The following ADAMTS20 variants were observed in gnomAD, a reference collection of about 807,000 sequenced individuals.
ADAMTS20 encodes the protein ADAM metallopeptidase with thrombospondin type 1 motif 20.
Under a neutral mutation model 260.1 loss-of-function variants are expected in ADAMTS20, and 225 were observed. The ratio of observed to expected loss-of-function variants is 0.87; its 90% CI spans 0.78 to 0.97. The LOEUF is 0.97. Among genes scored for constraint, ADAMTS20 ranks in the 50% least tolerant of loss-of-function variants. The pLI is 0.00. For missense variants in ADAMTS20, 2,400 were observed against 2,337.7 expected, an observed-to-expected ratio of 1.03 and a Z score of -0.55; for synonymous variants, 802 against 769.5, an observed-to-expected ratio of 1.04 and a Z score of -0.70.
At chr12:43,397,336 CAGATGATATTAAGTGACACA>C (rs1412055169) in intron 29 of ADAMTS20, among the ~76,000 whole-genome samples, 2 of 152,116 alleles carry the variant, frequency 1.3e-5, no homozygotes, top group South Asian at 2.1e-4. Flanking sequence ...TGCTTAGTCA[CAGATGATATTAAGTGACACA>C]AGATGATATT....
At chr12:43,413,173 G>C (rs1024810030) in intron 28 of ADAMTS20, among the ~76,000 whole-genome samples, 1 of 152,040 alleles carries the variant, frequency 6.6e-6, no homozygotes, top group African/African-American at 2.4e-5. Context: ...CTCCTAAAAA[G>C]AACAGTCACA....
intron 28 of ADAMTS20, among the ~76,000 whole-genome samples, chr12:43,412,802 ATTTTTTTTTTTTTT>A (rs139458463): frequency 1.2e-5 from 1 of 84,274 alleles, no homozygotes; most frequent in African/African-American, 5.2e-5. Flanking sequence ...ATAGGAAATA[ATTTTTTTTTTTTTT>A]TTTTTTTTTT....
At chr12:43,525,007 T>G (rs1943122303) in intron 3 of ADAMTS20, among the ~76,000 whole-genome samples, 1 of 152,142 alleles carries the variant, frequency 6.6e-6, no homozygotes, top group South Asian at 2.1e-4. Flanking sequence ...GATTTAGATG[T>G]CAAAATACAA....
chr12:43,397,034 C>A (rs1051601213), intron 29 of ADAMTS20, among the ~76,000 whole-genome samples: 1 of 152,114 alleles, frequency 6.6e-6, no homozygotes, highest in Admixed American at 6.6e-5. Context: ...ATGTTTCACA[C>A]GCTTAGGGGA....
intron 3 of ADAMTS20, among the ~76,000 whole-genome samples, chr12:43,517,669 G>A (rs992607071): frequency 1.3e-5 from 2 of 151,854 alleles, no homozygotes; most frequent in African/African-American, 4.8e-5. Flanking sequence ...TTTCTTTTGG[G>A]AAACAAGATG....
At chr12:43,418,958 T>C (rs1941180938) in intron 28 of ADAMTS20, among the ~76,000 whole-genome samples, 1 of 152,148 alleles carries the variant, frequency 6.6e-6, no homozygotes, top group Non-Finnish European at 1.5e-5. Flanking sequence ...ATTTTTCAGC[T>C]AAAGAAGTTA....
chr12:43,448,292 C>T (rs921305220), intron 14 of ADAMTS20, among the ~76,000 whole-genome samples: 5 of 152,072 alleles, frequency 3.3e-5, no homozygotes, highest in African/African-American at 9.7e-5. Flanking sequence ...CAAAAACAGA[C>T]ACACAGACCA....
intron 2 of ADAMTS20, among the ~76,000 whole-genome samples, chr12:43,548,188 A>G (rs1943466391): frequency 6.6e-6 from 1 of 152,226 alleles, no homozygotes; most frequent in Admixed American, 6.5e-5. Context: ...ACTAAAGTAA[A>G]GCAAAAAGCG....
chr12:43,460,988 A>ATTTTTTTTTTTT (rs1161740021), intron 11 of ADAMTS20, among the ~76,000 whole-genome samples: 8 of 26,394 alleles, frequency 3.0e-4, no homozygotes, highest in Non-Finnish European at 2.7e-4. Context: ...ATATATATAT[A>ATTTTTTTTTTTT]TTTTTTTTTT....
In ADAMTS20 at chr12:43,551,074, A is replaced by G. The variant is rs1252079702; in HGVS notation, c.288T>C (p.Asp96=). 1 of 1,613,798 alleles carries G rather than the reference A, an allele frequency of 6.2e-7. No homozygotes were observed. The highest frequency in any genetic ancestry group is 8.5e-7 in the Non-Finnish European group (1 of 1,179,842). Residue 96 remains aspartate (D), a synonymous_variant, in exon 2 of 39, where the codon GAT becomes GAC. Coordinates refer to ENST00000389420, the MANE Select transcript of ADAMTS20 (RefSeq NM_025003.5). The surrounding 1 kb of genome is among the most constrained non-coding windows in gnomAD (Gnocchi z 4.6). ...GQLFQLNLTA[D]ASFLAAGYTE... is the part of the protein sequence containing the mutation. ...TGTAGCCGGCGGCCAGAAAGGATGC[A>G]TCGGCGGTCAGGTTCAGCTGGAAGA...
intron 29 of ADAMTS20, among the ~76,000 whole-genome samples, chr12:43,395,069 C>A (rs935730330): frequency 6.6e-6 from 1 of 152,020 alleles, no homozygotes; most frequent in African/African-American, 2.4e-5. Context: ...CCAAGAAAGG[C>A]CATTTTAAAT....
At position 43,551,004 on chromosome 12, in the gene ADAMTS20, C is replaced by T; in HGVS notation, c.358G>A (p.Asp120Asn). 3 of 1,613,316 alleles carry T rather than the reference C, an allele frequency of 1.9e-6. No individual in the cohort carries two copies. The highest frequency in any genetic ancestry group is 2.5e-6 in the Non-Finnish European group (3 of 1,179,570). Residue 120 changes from aspartate (D) to asparagine (N), a missense_variant, in exon 2 of 39, where the codon GAC becomes AAC. Physicochemically the swap from Asp to Asn is conservative, Grantham distance 23. Coordinates refer to ENST00000389420, the MANE Select transcript of ADAMTS20 (RefSeq NM_025003.5). This position sits in a 1 kb window ranked among gnomAD's most constrained non-coding sequence, Gnocchi z 4.6. ...GTPERGAWESDAGPSDLRHCF... is the reference protein window; with the variant it reads ...GTPERGAWESNAGPSDLRHCF... ...TGGCGCAGGTCCGAGGGCCCTGCGT[C>T]GCTCTCCCAGGCCCCGCGCTCCGGG...
intron 10 of ADAMTS20, 98 bp downstream of exon 10, chr12:43,464,493 G>A (rs544447551): frequency 5.0e-6 from 7 of 1,390,552 alleles, no homozygotes; most frequent in Admixed American, 2.3e-5. Context: ...AGACTTAAAA[G>A]CTATATTTAG....
chr12:43,435,426 G>C (rs1428392512), intron 18 of ADAMTS20, among the ~76,000 whole-genome samples: 3 of 151,906 alleles, frequency 2.0e-5, no homozygotes, highest in Admixed American at 2.0e-4. Flanking sequence ...GGATCACGAG[G>C]TCAGGAGATC....
At chr12:43,403,270 T>A (rs910753196) in intron 28 of ADAMTS20, among the ~76,000 whole-genome samples, 1 of 152,284 alleles carries the variant, frequency 6.6e-6, no homozygotes, top group Admixed American at 6.5e-5. Flanking sequence ...GAAGAATGAA[T>A]GTATTGACTT....
At chr12:43,472,584 G>A (rs1292215346) in intron 7 of ADAMTS20, among the ~76,000 whole-genome samples, 1 of 131,788 alleles carries the variant, frequency 7.6e-6, no homozygotes, top group East Asian at 2.5e-4. Context: ...GGCAGCCAGA[G>A]AGAAAAGTCG....
At chr12:43,461,222 C>G (rs1226236075) in intron 11 of ADAMTS20, among the ~76,000 whole-genome samples, 1 of 151,338 alleles carries the variant, frequency 6.6e-6, no homozygotes, top group African/African-American at 2.4e-5. Flanking sequence ...AACTCTTGAT[C>G]TCAGGTGATC....
intron 2 of ADAMTS20, among the ~76,000 whole-genome samples, chr12:43,547,888 G>A (rs973935279): frequency 4.6e-5 from 7 of 152,172 alleles, no homozygotes; most frequent in African/African-American, 1.7e-4. Flanking sequence ...ATCAGCTGCT[G>A]TTAACAGAAA....
intron 27 of ADAMTS20, among the ~76,000 whole-genome samples, chr12:43,427,069 A>C (rs1941346303): frequency 6.6e-6 from 1 of 152,114 alleles, no homozygotes; most frequent in Non-Finnish European, 1.5e-5. Flanking sequence ...GCTACTCGGG[A>C]GGCTGAGGTG....
Sources: allele counts gnomAD v4.1 joint callset (sites outside exome capture counted in the v4.1 genomes callset), GRCh38; gene constraint gnomAD v4.1.1; non-coding constraint Gnocchi (gnomAD v3.1); transcripts MANE v1.5; gene names NCBI Gene and HGNC (gene_info 2026-07-23, HGNC 2026-07-21).